COL13A1: variants seen among roughly 807,000 people sequenced by gnomAD.
COL13A1 encodes collagen alpha-1(XIII) chain.
A neutral mutation model predicts 130.9 loss-of-function variants in COL13A1; 89 were observed. That is an observed-to-expected ratio of 0.68 (90% CI 0.57 to 0.81). COL13A1 has a LOEUF of 0.81. Ranked by LOEUF, COL13A1 falls within the 30% of genes least tolerant of loss-of-function variation. COL13A1 has a pLI of 0.00. For missense variants in COL13A1, 879 were observed against 934.6 expected (o/e 0.94, Z 0.78); for synonymous variants, 402 against 341.6 (o/e 1.18, Z -1.95).
chr10:69,911,538 T>C (rs1232510089), intron 17 of COL13A1, among the ~76,000 whole-genome samples: 1 of 152,222 alleles, frequency 6.6e-6, no homozygotes, highest in East Asian at 1.9e-4. Context: ...GGCTTTACTA[T>C]CTGCCTCTTA....
intron 2 of COL13A1, among the ~76,000 whole-genome samples, chr10:69,833,167 T>G (rs1032094719): frequency 3.3e-5 from 5 of 152,186 alleles, no homozygotes; most frequent in Admixed American, 2.6e-4. Context: ...AATGATTCCA[T>G]GTGTTTGTAT....
chr10:69,829,168 A>T (rs1226638410), intron 2 of COL13A1: 2 of 913,490 alleles, frequency 2.2e-6, no homozygotes, highest in Non-Finnish European at 2.6e-6. Context: ...CACCCCGTCA[A>T]TCACCAAGTC....
intron 28 of COL13A1, 92 bp downstream of exon 28, chr10:69,929,091 C>A: frequency 3.1e-6 from 3 of 976,670 alleles, no homozygotes; most frequent in Non-Finnish European, 4.7e-6. Context: ...ATCTTCCCAG[C>A]ACTACCACCA....
chr10:69,921,708 A>T (rs1243639871), intron 21 of COL13A1, among the ~76,000 whole-genome samples, 174 bp from the exon 22 acceptor site: 2 of 152,218 alleles, frequency 1.3e-5, no homozygotes, highest in Non-Finnish European at 2.9e-5. Context: ...CCATGGAAGT[A>T]GCCAGTCAGG....
chr10:69,871,705 C>CA (rs1371693808), intron 3 of COL13A1, among the ~76,000 whole-genome samples: 6 of 152,210 alleles, frequency 3.9e-5, no homozygotes, highest in Non-Finnish European at 8.8e-5. Flanking sequence ...CTGTATGTGA[C>CA]AGCAGGGTCT....
chr10:69,881,157 G>C (rs1244584950), intron 7 of COL13A1, among the ~76,000 whole-genome samples: 1 of 152,226 alleles, frequency 6.6e-6, no homozygotes, highest in Non-Finnish European at 1.5e-5. Flanking sequence ...AGATATCGAG[G>C]CTGTGGGAGG....
At chr10:69,911,085 G>T (rs1343207717) in intron 17 of COL13A1, among the ~76,000 whole-genome samples, 1 of 152,214 alleles carries the variant, frequency 6.6e-6, no homozygotes, top group Non-Finnish European at 1.5e-5. Flanking sequence ...CTGGGGAGGA[G>T]AGTGGATGGG....
chr10:69,941,057 CTCCA>C (rs2067564800), intron 35 of COL13A1, 34 bp downstream of exon 35: 1 of 1,613,554 alleles, frequency 6.2e-7, no homozygotes, highest in African/African-American at 1.3e-5. Flanking sequence ...CCTCACCCCA[CTCCA>C]CTCCACACCT....
intron 28 of COL13A1, among the ~76,000 whole-genome samples, chr10:69,929,783 T>C (rs903062962): frequency 6.6e-6 from 1 of 152,196 alleles, no homozygotes; most frequent in Non-Finnish European, 1.5e-5. Context: ...AACATGGACA[T>C]GGAGCCAGAG....
chr10:69,866,974 C>T lies in COL13A1; in HGVS notation c.365-824C>T, dbSNP rs907506382. On this transcript the variant is annotated intron_variant, in intron 2 of 40. Transcript: ENST00000645393. Reference sequence around the variant, plus strand: ...GGGTGGGGTTTCGTGGCTCATGTTCCGCAGAAGCGCCTTTCCTTCCCTATC... The same window carrying T: ...GGGTGGGGTTTCGTGGCTCATGTTCTGCAGAAGCGCCTTTCCTTCCCTATC... Among the ~76,000 whole-genome samples, 12 of 152,258 alleles carry T rather than the reference C, an allele frequency of 7.9e-5. No homozygotes were observed. In the South Asian group the frequency reaches 1.2e-3, roughly 16 times the overall value.
At chr10:69,937,172 A>C (rs751837605) in intron 33 of COL13A1, among the ~76,000 whole-genome samples, 3 of 152,192 alleles carry the variant, frequency 2.0e-5, no homozygotes, top group Non-Finnish European at 4.4e-5. Context: ...GCCTCCCCTG[A>C]ACCATTTCAA....
intron 36 of COL13A1, 139 bp downstream of exon 36, chr10:69,944,317 G>A (rs1221549827): frequency 9.3e-6 from 7 of 755,120 alleles, no homozygotes; most frequent in Non-Finnish European, 1.6e-5. Flanking sequence ...TGGGACAGGG[G>A]GTGCTGGTTG....
chr10:69,943,974 G>A (rs577594880), intron 35 of COL13A1, 151 bp from the exon 36 acceptor site: 258 of 634,990 alleles, frequency 4.1e-4, no homozygotes, highest in Admixed American at 1.8e-3. Context: ...AGAGGATCAC[G>A]GCCCAGTCGA....
intron 4 of COL13A1, 110 bp from the exon 5 acceptor site, chr10:69,875,018 A>G (rs1440479389): frequency 2.9e-6 from 4 of 1,376,542 alleles, no homozygotes; most frequent in Non-Finnish European, 4.1e-6. Flanking sequence ...TCCCCGCTGC[A>G]AACTGGGTTA....
intron 5 of COL13A1, chr10:69,877,697 TCTCACACACACACACACACA>T: frequency 2.0e-5 from 2 of 99,222 alleles, no homozygotes; most frequent in Non-Finnish European, 3.9e-5. Context: ...TCTCTCTCTC[TCTCACACACACACACACACA>T]CACACACACA....
chr10:69,947,317 G>A lies in COL13A1; in HGVS notation c.2033G>A (p.Gly678Glu). The A allele has an allele frequency of 6.2e-7, 1 of 1,613,178 alleles. No homozygotes were observed. Among genetic ancestry groups the A allele is most frequent in the Non-Finnish European group, 8.5e-7 (1 of 1,179,510 alleles). ...TCTGATCTCTTGCAGGGTTTACATG[G>A]ACCACCCGGGGACAAGGGAAACCGG... ...TGAAGLPGLH[G>E]PPGDKGNRGE... is the part of the protein sequence containing the mutation. Residue 678 changes from glycine to glutamate, a missense_variant, in exon 38 of 41, where the codon GGA becomes GAA. Gly to Glu is a moderately conservative substitution (Grantham distance 98). Around this residue, in one of 3 missense-constraint regions of COL13A1, gnomAD observed 68 missense variants for 65.8 expected, o/e 1.03. Coordinates refer to ENST00000645393, the MANE Select transcript of COL13A1 (RefSeq NM_001368882.1).
intron 12 of COL13A1, 53 bp downstream of exon 12, chr10:69,894,754 G>T: frequency 6.2e-7 from 1 of 1,610,094 alleles, no homozygotes; most frequent in South Asian, 1.1e-5. Context: ...TGGCCTCCCA[G>T]TTGGTAGAAA....
At chr10:69,891,899 G>A (rs2061211168) in intron 10 of COL13A1, among the ~76,000 whole-genome samples, 1 of 152,196 alleles carries the variant, frequency 6.6e-6, no homozygotes, top group Admixed American at 6.5e-5. Flanking sequence ...TACAACAGCT[G>A]AGATTCAGAC....
intron 2 of COL13A1, among the ~76,000 whole-genome samples, chr10:69,859,704 C>G (rs924380603): frequency 3.3e-5 from 5 of 152,248 alleles, no homozygotes; most frequent in African/African-American, 2.4e-5. Flanking sequence ...TCGTCAGGAC[C>G]ACTTGCCCCT....
Sources: allele counts gnomAD v4.1 joint callset (sites outside exome capture counted in the v4.1 genomes callset), GRCh38; gene constraint gnomAD v4.1.1; regional missense constraint gnomAD v4.1.1; transcripts MANE v1.5; gene names NCBI Gene and HGNC (gene_info 2026-07-23, HGNC 2026-07-21).